The following SRP14 variants were observed in gnomAD, a reference collection of about 807,000 sequenced individuals.
SRP14 encodes signal recognition particle 14 kDa protein.
SRP14 carries 1 observed loss-of-function variant against 16.0 expected under a neutral mutation model. The observed-to-expected ratio is 0.06, with a 90% CI of 0.02 to 0.30. The LOEUF (loss-of-function observed/expected upper bound fraction) is 0.30, where lower values mean the gene tolerates loss of function less well. SRP14 is among the 10% of genes least tolerant of loss of function. SRP14 has a pLI of 1.00. For missense variants in SRP14, 120 were observed against 163.1 expected (o/e 0.74, Z 1.44); for synonymous variants, 67 against 60.1 (o/e 1.12, Z -0.53).
rs1253249424 is a variant in SRP14 at position 40,038,650 on chromosome 15, C to A, written c.97+226G>T. On this transcript the variant is annotated intron_variant, in intron 2 of 4. Coordinates refer to ENST00000267884, the MANE Select transcript of SRP14 (RefSeq NM_003134.6). ...CGTCTGGGATCCCTGACAAAGAGCC[C>A]TGGGCTGCTTGGGGCCCATTGTTAC... 1.9e-4 allele frequency: 117 copies of A among 616,046 alleles called. No individual in the cohort carries two copies. In the East Asian group the frequency reaches 3.2e-3, roughly 17 times the overall value. 38.2% of individuals were successfully genotyped at this position (616,046 alleles called of 1,614,324 possible).
rs574598074 is a variant in SRP14, at chr15:40,037,153, C to CAT, written c.211-137_211-136dup. 111 of 1,256,740 alleles carry CAT rather than the reference C, an allele frequency of 8.8e-5. No individual in the cohort carries two copies. In the East Asian group the frequency reaches 2.4e-3, roughly 28 times the overall value. The allele number at this position is 1,256,740 out of a possible 1,614,324, so 77.8% of individuals were successfully genotyped here. A position where few individuals can be genotyped will look rare whatever the true frequency, so the allele number is the denominator to read the frequency against. ...AATACTTCTCCCCAACTTCAGGGTT[C>CAT]ATAATACACGAATGGTTATTTTTCT... On this transcript the variant is annotated intron_variant, in intron 3 of 4. Coordinates refer to ENST00000267884, the MANE Select transcript of SRP14 (RefSeq NM_003134.6).
At chr15:40,036,753 A>C in intron 4 of SRP14, 1 of 631,994 alleles carries the variant, frequency 1.6e-6, no homozygotes, top group Non-Finnish European at 2.7e-6. Context: ...TTCTTGTTCA[A>C]CTATAGTATA....
chr15:40,038,616 A>G, intron 2 of SRP14: 1 of 607,194 alleles, frequency 1.6e-6, no homozygotes, highest in South Asian at 2.0e-5. Context: ...ATTCCACTCA[A>G]AGTGGCGGCG....
In SRP14 at chr15:40,036,616, T is replaced by A. The variant is rs559461511; in HGVS notation, c.244-116A>T. ...AAAATCAGGAAAGAATATAGCACCATTGGACACTTGTACCGGAAAATGGTA... is the reference window on the plus strand; with the variant it reads ...AAAATCAGGAAAGAATATAGCACCAATGGACACTTGTACCGGAAAATGGTA... On this transcript the variant is annotated intron_variant, in intron 4 of 4. Coordinates refer to ENST00000267884, the MANE Select transcript of SRP14 (RefSeq NM_003134.6). The A allele has an allele frequency of 4.0e-6, 4 of 990,694 alleles. No homozygotes were observed. The African/African-American group carries it at 6.4e-5, about 16-fold the overall frequency. 61.4% of individuals were successfully genotyped at this position (990,694 alleles called of 1,614,324 possible). A position where few individuals can be genotyped will look rare whatever the true frequency, so the allele number is the denominator to read the frequency against.
In SRP14 at chr15:40,036,338, GTGC is replaced by G. The variant is rs1555424215; in HGVS notation, c.403_405del (p.Ala135del). 8 of 1,613,540 alleles carry G rather than the reference GTGC, an allele frequency of 5.0e-6. No homozygotes were observed. The highest frequency in any genetic ancestry group is 6.8e-6 in the Non-Finnish European group (8 of 1,179,656). The stretch of plus-strand genomic sequence containing the variant: ...AAGCAGGAAATGTATGCCCTTTACT[GTGC>G]TGCTGTTGCTGCTGTTGTTGCTGCT... On this transcript the variant is annotated inframe_deletion, in exon 5 of 5. Coordinates refer to ENST00000267884, the MANE Select transcript of SRP14 (RefSeq NM_003134.6).
At chr15:40,037,128 A>G (rs894909118) in intron 3 of SRP14, 110 bp from the exon 4 acceptor site, 14 of 1,340,068 alleles carry the variant, frequency 1.0e-5, no homozygotes, top group Non-Finnish European at 1.0e-6. Context: ...TTATCTTTAA[A>G]ATACTTCTCC....
Position 40,038,327 on chromosome 15 carries a change from C to T in SRP14, c.165G>A (p.Lys55=). 2 of 1,614,166 alleles carry T rather than the reference C, an allele frequency of 1.2e-6. No individual in the cohort carries two copies. Among genetic ancestry groups the T allele is most frequent in the Middle Eastern group, 1.6e-4 (1 of 6,062 alleles). ...TVEGFEPADN[K]CLLRATDGKK... Reference sequence around the variant, plus strand: ...TCCCATCGGTAGCTCTTAACAGACACTTGTTGTCTGCGGGCTCAAAGCCCT... The same window carrying T: ...TCCCATCGGTAGCTCTTAACAGACATTTGTTGTCTGCGGGCTCAAAGCCCT... The change falls in exon 3 of 5, where the codon AAG becomes AAA. Residue 55 remains lysine, a synonymous_variant. Transcript: ENST00000267884.
Position 40,036,356 on chromosome 15 carries a change from T to TTGTTGCTGC in SRP14, c.379_387dup (p.Ala127_Thr129dup), listed in dbSNP as rs769556566. On this transcript the variant is annotated inframe_insertion, in exon 5 of 5. Transcript: ENST00000267884. ...CTTTACTGTGCTGCTGTTGCTGCTG[T>TTGTTGCTGC]TGTTGCTGCTGTTGTTGGTGCTGTT... 1.2e-6 allele frequency: 2 copies of TTGTTGCTGC among 1,609,118 alleles called. No homozygotes were observed. The highest frequency in any genetic ancestry group is 2.2e-5 in the South Asian group (2 of 90,316).
chr15:40,038,330 G>C lies in SRP14; in HGVS notation c.162C>G (p.Asn54Lys), dbSNP rs183490921. The C allele has an allele frequency of 1.9e-6, 3 of 1,613,994 alleles. No individual in the cohort carries two copies. The highest frequency in any genetic ancestry group is 2.2e-5 in the East Asian group (1 of 44,886). The change falls in exon 3 of 5, where the codon AAC becomes AAG. Residue 54 changes from asparagine (N) to lysine (K), a missense_variant. Asn to Lys is a moderately conservative substitution (Grantham distance 94). Coordinates refer to ENST00000267884, the MANE Select transcript of SRP14 (RefSeq NM_003134.6). ...GTVEGFEPAD[N>K]KCLLRATDGK... ...CATCGGTAGCTCTTAACAGACACTT[G>C]TTGTCTGCGGGCTCAAAGCCCTCCA...
intron 2 of SRP14, 75 bp downstream of exon 2, chr15:40,038,801 C>T (rs2035672441): frequency 2.6e-6 from 4 of 1,525,210 alleles, no homozygotes; most frequent in Non-Finnish European, 3.6e-6. Flanking sequence ...CGGCGGTCCG[C>T]GGCAGACAGA....
At chr15:40,038,724 C>T in intron 2 of SRP14, 152 bp downstream of exon 2, 1 of 797,066 alleles carries the variant, frequency 1.3e-6, no homozygotes, top group Non-Finnish European at 2.0e-6. Context: ...CAGCTACAAT[C>T]CCTACTATTT....
rs913159661 is a variant in SRP14 at position 40,036,473 on chromosome 15, T to C, written c.271A>G (p.Met91Val). ...MAYSNLLRAN[M>V]DGLKKRDKKN... is the part of the protein sequence containing the mutation. ...TTGTCTCTCTTCTTCAGCCCATCCA[T>C]GTTAGCTCTAAGGAGGTTTGAATAA... Residue 91 changes from methionine (M) to valine (V), a missense_variant, in exon 5 of 5, where the codon ATG becomes GTG. Transcript: ENST00000267884. The C allele has an allele frequency of 1.9e-6, 3 of 1,614,074 alleles. No individual in the cohort carries two copies. The highest frequency in any genetic ancestry group is 2.7e-5 in the African/African-American group (2 of 74,926).
At chr15:40,039,001 C>T (rs62621371) in intron 1 of SRP14, 53 bp from the exon 2 acceptor site, 61,876 of 1,604,386 alleles carry the variant, frequency 0.039, 1,480 homozygotes, top group Non-Finnish European at 0.043. Flanking sequence ...CTCGTCCTGC[C>T]GCGTCAAGGC....
At chr15:40,036,775 T>A (rs1595444546) in intron 4 of SRP14, 2 of 654,338 alleles carry the variant, frequency 3.1e-6, no homozygotes, top group East Asian at 5.4e-5. Flanking sequence ...GTAGCATATA[T>A]CTACAGCCTA....
chr15:40,039,187 G>A (rs2035683071), upstream of SRP14: 4 of 1,549,040 alleles, frequency 2.6e-6, no homozygotes, highest in South Asian at 1.2e-5. Context: ...GGCCTAGGCT[G>A]GGCGGGACTT....
chr15:40,038,973 G>A (rs373272622), intron 1 of SRP14, 25 bp from the exon 2 acceptor site: 28 of 1,607,824 alleles, frequency 1.7e-5, no homozygotes, highest in Non-Finnish European at 2.3e-5. Context: ...GCCCAGCCCC[G>A]TTAGCCAGCC....
chr15:40,036,267 T>C lies in SRP14; in HGVS notation c.*66A>G. The C allele has an allele frequency of 6.3e-7, 1 of 1,597,170 alleles. No individual in the cohort carries two copies. Among genetic ancestry groups the C allele is most frequent in the Admixed American group, 1.7e-5 (1 of 59,454 alleles). On this transcript the variant is annotated 3_prime_UTR_variant, in exon 5 of 5. Transcript: ENST00000267884. ...ACTGTGGGGGAACCAGAAACCTAGCTATCTGGCCAAAAGGAAAAAATAGCA... is the reference window on the plus strand; with the variant it reads ...ACTGTGGGGGAACCAGAAACCTAGCCATCTGGCCAAAAGGAAAAAATAGCA...
intron 4 of SRP14, 21 bp downstream of exon 4, chr15:40,036,965 T>C: frequency 1.2e-6 from 2 of 1,613,814 alleles, no homozygotes; most frequent in Non-Finnish European, 1.7e-6. Flanking sequence ...AAGGGAAACA[T>C]AAGGAACACC....
chr15:40,037,665 T>G (rs1409287842), intron 3 of SRP14, among the ~76,000 whole-genome samples: 1 of 23,988 alleles, frequency 4.2e-5, no homozygotes, highest in East Asian at 3.3e-4. Flanking sequence ...TAAAACCACA[T>G]AAGCTTGTTT....
Sources: gnomAD v4.1 joint callset for allele counts (sites outside exome capture counted in the v4.1 genomes callset) on GRCh38, gnomAD v4.1.1 for gene constraint, MANE v1.5 for transcripts, NCBI Gene and HGNC (gene_info 2026-07-23, HGNC 2026-07-21) for gene names.